Variants in PLCXD1 observed in about 807,000 individuals in gnomAD.
The protein encoded by PLCXD1 is PI-PLC X domain-containing protein 1.
In PLCXD1, 45 loss-of-function variants were observed where a neutral mutation model predicts 37.8. That is an observed-to-expected ratio of 1.19 (90% CI 0.94 to 1.53). The LOEUF (loss-of-function observed/expected upper bound fraction) is 1.53, where lower values mean the gene tolerates loss of function less well. Among genes scored for constraint, PLCXD1 ranks in the 40% most tolerant of loss-of-function variants. PLCXD1 has a pLI of 0.00. For missense variants in PLCXD1, 539 were observed against 454.7 expected (o/e 1.19, Z -1.69); for synonymous variants, 246 against 206.9 (o/e 1.19, Z -1.62).
intron 5 of PLCXD1, 127 bp downstream of exon 5, chrX:291,781 G>T: frequency 9.6e-7 from 1 of 1,043,208 alleles, no homozygotes; most frequent in Non-Finnish European, 1.5e-6. Flanking sequence ...CCGTCGAACG[G>T]GGGCTGCCTG....
intron 3 of PLCXD1, among the ~76,000 whole-genome samples, chrX:290,236 G>C (rs190812189): frequency 6.6e-6 from 1 of 152,002 alleles, no homozygotes; most frequent in African/African-American, 2.4e-5. Flanking sequence ...GACCGTCCTG[G>C]CTAACATGTT....
upstream of PLCXD1, among the ~76,000 whole-genome samples, chrX:279,493 C>T (rs762514592): frequency 1.4e-4 from 21 of 152,238 alleles, no homozygotes; most frequent in East Asian, 3.9e-4. Flanking sequence ...ATTATTAGGC[C>T]GGGCACGGTG....
At chrX:294,836 G>A (rs1451347992) in intron 6 of PLCXD1, among the ~76,000 whole-genome samples, 7 of 151,338 alleles carry the variant, frequency 4.6e-5, no homozygotes, top group African/African-American at 1.5e-4. Flanking sequence ...AACTTCTGGG[G>A]TCAAGCGATC....
chrX:288,690 A>G (rs1317753242), intron 2 of PLCXD1, 43 bp from the exon 3 acceptor site: 2 of 1,609,564 alleles, frequency 1.2e-6, no homozygotes, highest in Middle Eastern at 1.7e-4. Flanking sequence ...GGTGGCGGGG[A>G]CGGACTCGTG....
chrX:291,226 A>G (rs757707501), intron 4 of PLCXD1, among the ~76,000 whole-genome samples: 1 of 151,452 alleles, frequency 6.6e-6, no homozygotes, highest in African/African-American at 2.4e-5. Context: ...GCTCACTGCA[A>G]CCTCTGCCTC....
chrX:292,641 C>T (rs889794297), intron 5 of PLCXD1, among the ~76,000 whole-genome samples: 6 of 150,996 alleles, frequency 4.0e-5, no homozygotes, highest in Admixed American at 1.3e-4. Flanking sequence ...GAGAGGGAGT[C>T]TCGGTCTGTC....
At chrX:285,691 AG>A (rs1370550151) in intron 2 of PLCXD1, among the ~76,000 whole-genome samples, 4 of 152,190 alleles carry the variant, frequency 2.6e-5, no homozygotes, top group African/African-American at 9.7e-5. Context: ...ACAGGAACAC[AG>A]GTACATGTTT....
At chrX:293,301 C>G in intron 6 of PLCXD1, 83 bp downstream of exon 6, 1 of 1,048,090 alleles carries the variant, frequency 9.5e-7, no homozygotes, top group Non-Finnish European at 1.4e-6. Context: ...ATGGACTTGC[C>G]TTCACTTTTA....
chrX:284,093 G>A (rs2069366307), intron 1 of PLCXD1, 74 bp from the exon 2 acceptor site: 2 of 1,208,660 alleles, frequency 1.7e-6, no homozygotes, highest in South Asian at 1.3e-5. Context: ...GTTTTGTCAA[G>A]TTGGCCAGGC....
chrX:278,289 G>A (rs370770382), upstream of PLCXD1, among the ~76,000 whole-genome samples: 8 of 152,186 alleles, frequency 5.3e-5, 1 homozygote, highest in South Asian at 2.1e-4. Flanking sequence ...GTGATGGGAG[G>A]GAGGGAGTAT....
At chrX:292,376 G>T (rs2069665675) in intron 5 of PLCXD1, among the ~76,000 whole-genome samples, 1 of 152,002 alleles carries the variant, frequency 6.6e-6, no homozygotes, top group Admixed American at 6.6e-5. Context: ...GGAGAATGGT[G>T]TGAACCCGGG....
intron 6 of PLCXD1, among the ~76,000 whole-genome samples, chrX:294,464 A>G (rs1299985352): frequency 6.6e-6 from 1 of 150,648 alleles, no homozygotes; most frequent in East Asian, 2.0e-4. Context: ...CCTGGGCGAC[A>G]GAGTGGAACT....
At position 291,493 on chromosome X, in the gene PLCXD1, C is replaced by T. The variant is rs1403268432; in HGVS notation, c.394-6C>T. 10 of 1,612,178 alleles carry T rather than the reference C, an allele frequency of 6.2e-6. No individual in the cohort carries two copies. The East Asian group carries it at 8.9e-5, about 14-fold the overall frequency. On this transcript the variant is annotated splice_region_variant and splice_polypyrimidine_tract_variant and intron_variant, in intron 4 of 6. Transcript: ENST00000381657. The stretch of plus-strand genomic sequence containing the variant: ...GCAGGACTCAGCCCAGCACCCCCCT[C>T]CCCAGGACACACTCACGGAAATCTC...
chrX:293,061 G>C lies in PLCXD1; in HGVS notation c.576G>C (p.Trp192Cys). ...AGGTGCCGACACTGCGGCAGCTGTG[G>C]TCCCGGGGCCAACAGGTCATCGTCT... Reference protein sequence around the residue: ...RGEVPTLRQLWSRGQQVIVSY... With the variant: ...RGEVPTLRQLCSRGQQVIVSY... The change falls in exon 6 of 7, where the codon TGG becomes TGC. Residue 192 changes from tryptophan to cysteine, a missense_variant. Transcript: ENST00000381657. 6.2e-7 allele frequency: 1 copy of C among 1,610,496 alleles called. No individual in the cohort carries two copies. The highest frequency in any genetic ancestry group is 8.5e-7 in the Non-Finnish European group (1 of 1,179,044).
intron 2 of PLCXD1, among the ~76,000 whole-genome samples, chrX:287,636 GATATAGATACT>G (rs2069499231): frequency 3.3e-5 from 3 of 90,728 alleles, no homozygotes; most frequent in Non-Finnish European, 4.9e-5. Flanking sequence ...TTTATATATA[GATATAGATACT>G]ATATATGTTT....
chrX:298,776 G>GAGT (rs2069893666), intron 6 of PLCXD1, among the ~76,000 whole-genome samples: 1 of 102,186 alleles, frequency 9.8e-6, no homozygotes, highest in Non-Finnish European at 2.1e-5. Flanking sequence ...ACATCTTTGG[G>GAGT]GACATTATTC....
intron 2 of PLCXD1, among the ~76,000 whole-genome samples, chrX:286,282 C>A (rs966657474): frequency 6.6e-6 from 1 of 152,072 alleles, no homozygotes; most frequent in South Asian, 2.1e-4. Context: ...TCAAGCTGGT[C>A]TCGAACTCCC....
chrX:290,566 T>G, intron 3 of PLCXD1, 82 bp from the exon 4 acceptor site: 1 of 1,499,470 alleles, frequency 6.7e-7, no homozygotes. Flanking sequence ...GACATGCGGG[T>G]GGGCCAACCC....
Position 299,636 on chromosome X carries a change from A to G in PLCXD1, c.*301A>G. 2.0e-6 allele frequency: 1 copy of G among 501,870 alleles called. No individual in the cohort carries two copies. The highest frequency in any genetic ancestry group is 3.6e-6 in the Non-Finnish European group (1 of 279,388). 31.1% of individuals were successfully genotyped at this position (501,870 alleles called of 1,614,324 possible). On this transcript the variant is annotated 3_prime_UTR_variant, in exon 7 of 7. Transcript: ENST00000381657. ...AGCTGGGTGTGTGGCAGGCGCCTGT[A>G]GTCCCAGTTACTCGGGAGGCTCAGG...
Sources: allele counts gnomAD v4.1 joint callset (sites outside exome capture counted in the v4.1 genomes callset), GRCh38; gene constraint gnomAD v4.1.1; transcripts MANE v1.5; gene names NCBI Gene and HGNC (gene_info 2026-07-23, HGNC 2026-07-21).